CTTNBP2: variants seen among roughly 807,000 people sequenced by gnomAD.
CTTNBP2 encodes cortactin binding protein 2.
CTTNBP2 carries 108 observed loss-of-function variants against 156.9 expected under a neutral mutation model. The observed-to-expected ratio is 0.69, with a 90% CI of 0.59 to 0.81. The LOEUF is 0.81. Among genes scored for constraint, CTTNBP2 ranks in the 30% least tolerant of loss-of-function variants. CTTNBP2 has a pLI of 0.00. For missense variants in CTTNBP2, 1,924 were observed against 2,035.4 expected (o/e 0.95, Z 1.05); for synonymous variants, 767 against 751.8 (o/e 1.02, Z -0.33).
chr7:117,780,642 A>C, intron 6 of CTTNBP2, 51 bp from the exon 7 acceptor site: 3 of 1,168,892 alleles, frequency 2.6e-6, no homozygotes, highest in Non-Finnish European at 3.6e-6. Flanking sequence ...TGACCTTTGA[A>C]GCACCACCTA....
chr7:117,864,250 G>A (rs1803960594), intron 1 of CTTNBP2, among the ~76,000 whole-genome samples: 1 of 152,052 alleles, frequency 6.6e-6, no homozygotes, highest in South Asian at 2.1e-4. Flanking sequence ...CATAGATTAT[G>A]TCACACAGAA....
chr7:117,852,170 T>A (rs530657718), intron 2 of CTTNBP2, among the ~76,000 whole-genome samples: 2 of 152,174 alleles, frequency 1.3e-5, no homozygotes, highest in Non-Finnish European at 2.9e-5. Flanking sequence ...TCAACTTTTA[T>A]TGATTGGAAA....
intron 16 of CTTNBP2, among the ~76,000 whole-genome samples, chr7:117,729,256 G>A (rs1457681738): frequency 1.3e-5 from 2 of 152,214 alleles, no homozygotes; most frequent in African/African-American, 4.8e-5. Flanking sequence ...CAGGAAGGGT[G>A]TCCACCTCTC....
intron 7 of CTTNBP2, among the ~76,000 whole-genome samples, chr7:117,778,344 C>T (rs1261320814): frequency 6.6e-5 from 10 of 152,152 alleles, no homozygotes; most frequent in Admixed American, 3.9e-4. Context: ...TGTTTTGTGA[C>T]TGCAGAGGGA....
At chr7:117,767,458 TCA>T (rs2116698399) in intron 8 of CTTNBP2, among the ~76,000 whole-genome samples, 1 of 152,322 alleles carries the variant, frequency 6.6e-6, no homozygotes, top group South Asian at 2.1e-4. Flanking sequence ...TGTTAATCAC[TCA>T]GTCTGCAGAT....
chr7:117,732,737 C>G (rs1217685161), intron 16 of CTTNBP2, among the ~76,000 whole-genome samples: 1 of 151,260 alleles, frequency 6.6e-6, no homozygotes, highest in Non-Finnish European at 1.5e-5. Context: ...TTTGCTGTAC[C>G]AAGTAATTAT....
chr7:117,807,174 A>C (rs566322049), intron 3 of CTTNBP2, among the ~76,000 whole-genome samples: 1 of 152,200 alleles, frequency 6.6e-6, no homozygotes, highest in East Asian at 1.9e-4. Context: ...GCTCCTGGGG[A>C]ATCAAAATGC....
chr7:117,789,922 A>C (rs985416389), intron 4 of CTTNBP2, among the ~76,000 whole-genome samples: 2 of 152,202 alleles, frequency 1.3e-5, no homozygotes, highest in Non-Finnish European at 2.9e-5. Flanking sequence ...AATATGGATA[A>C]AGCCTCTCAA....
intron 2 of CTTNBP2, among the ~76,000 whole-genome samples, chr7:117,816,731 G>C (rs1418522872): frequency 2.6e-5 from 4 of 152,112 alleles, no homozygotes; most frequent in Non-Finnish European, 5.9e-5. Flanking sequence ...TTGCAACAGA[G>C]TGCTTATTTT....
chr7:117,773,585 G>A (rs1415857415), intron 8 of CTTNBP2, among the ~76,000 whole-genome samples: 1 of 148,986 alleles, frequency 6.7e-6, no homozygotes, highest in Non-Finnish European at 1.5e-5. Context: ...CTGAAAGACT[G>A]GATAAGCTCT....
chr7:117,817,388 A>ATAT (rs1554437687), intron 2 of CTTNBP2, among the ~76,000 whole-genome samples: 1 of 124,768 alleles, frequency 8.0e-6, no homozygotes, highest in African/African-American at 2.9e-5. Flanking sequence ...ATATATATAT[A>ATAT]ATTTCATCAG....
At chr7:117,847,764 T>C (rs1414579392) in intron 2 of CTTNBP2, among the ~76,000 whole-genome samples, 2 of 151,970 alleles carry the variant, frequency 1.3e-5, no homozygotes, top group Non-Finnish European at 2.9e-5. Flanking sequence ...AGCACTGATA[T>C]GTTTTCCATG....
intron 12 of CTTNBP2, among the ~76,000 whole-genome samples, chr7:117,756,343 G>A (rs1210114453): frequency 1.3e-5 from 2 of 152,006 alleles, no homozygotes; most frequent in Non-Finnish European, 2.9e-5. Context: ...GGTGGTCTCT[G>A]GATCCAGGCA....
At chr7:117,756,450 G>C in intron 12 of CTTNBP2, 105 bp downstream of exon 12, 1 of 840,328 alleles carries the variant, frequency 1.2e-6, no homozygotes, top group South Asian at 1.4e-5. Flanking sequence ...TCAGAGCACA[G>C]GGTGGGGGGG....
intron 2 of CTTNBP2, among the ~76,000 whole-genome samples, chr7:117,818,270 T>C (rs917666089): frequency 1.2e-4 from 19 of 152,110 alleles, no homozygotes; most frequent in Admixed American, 1.1e-3. Flanking sequence ...AACCACTGGT[T>C]ACCTAAGAAT....
intron 2 of CTTNBP2, among the ~76,000 whole-genome samples, chr7:117,828,549 G>A (rs1801429347): frequency 1.3e-5 from 2 of 152,132 alleles, no homozygotes; most frequent in East Asian, 1.9e-4. Flanking sequence ...TTCATTGTAG[G>A]TAATGTATGA....
intron 14 of CTTNBP2, among the ~76,000 whole-genome samples, chr7:117,740,525 G>A (rs1378053343): frequency 6.6e-6 from 1 of 152,178 alleles, no homozygotes; most frequent in African/African-American, 2.4e-5. Flanking sequence ...AGTACGTGTA[G>A]AATACCTCAG....
chr7:117,814,678 T>C (rs1299999952), intron 2 of CTTNBP2, among the ~76,000 whole-genome samples: 4 of 152,206 alleles, frequency 2.6e-5, no homozygotes, highest in African/African-American at 7.2e-5. Context: ...TCCTCCTGCC[T>C]CAGCCTCACA....
chr7:117,773,648 A>AACACACACACACAC (rs71528190), intron 8 of CTTNBP2, among the ~76,000 whole-genome samples: 214 of 95,126 alleles, frequency 2.2e-3, no homozygotes, highest in East Asian at 6.2e-3. Flanking sequence ...GCTTAGAGTT[A>AACACACACACACAC]ACACACACAC....
Sources: gnomAD v4.1 joint callset for allele counts (sites outside exome capture counted in the v4.1 genomes callset) on GRCh38, gnomAD v4.1.1 for gene constraint, MANE v1.5 for transcripts, NCBI Gene and HGNC (gene_info 2026-07-23, HGNC 2026-07-21) for gene names.